The following PARL variants were observed in gnomAD, a reference collection of about 807,000 sequenced individuals.
PARL encodes presenilin associated rhomboid like.
PARL carries 44 observed loss-of-function variants against 51.6 expected under a neutral mutation model. The observed-to-expected ratio is 0.85, with a 90% CI of 0.67 to 1.10. The LOEUF (loss-of-function observed/expected upper bound fraction) is 1.10. Among genes scored for constraint, PARL ranks in the 50% least tolerant of loss-of-function variants. The pLI is 0.00. For missense variants in PARL, 441 were observed against 469.5 expected (o/e 0.94, Z 0.56); for synonymous variants, 172 against 164.0 (o/e 1.05, Z -0.37).
In PARL at chr3:183,876,043, ATTTG is replaced by A. The variant is rs540648499; in HGVS notation, c.126-7987_126-7984del. Among the ~76,000 whole-genome samples, 160 of 152,076 alleles carry A rather than the reference ATTTG, an allele frequency of 1.1e-3. 2 individuals carry two copies. The South Asian group carries it at 0.032, about 30-fold the overall frequency. On this transcript the variant is annotated intron_variant, in intron 1 of 9. Coordinates refer to ENST00000317096, the MANE Select transcript of PARL (RefSeq NM_018622.7). ...CAGCATCGTTTATGGAATATTTTTTATTTGTTTATTTTTACTTTTTGAGATGGAG... is the reference window on the plus strand; with the variant it reads ...CAGCATCGTTTATGGAATATTTTTTATTTATTTTTACTTTTTGAGATGGAG...
At chr3:183,859,034 C>T (rs959832996) in intron 4 of PARL, among the ~76,000 whole-genome samples, 27 of 152,142 alleles carry the variant, frequency 1.8e-4, no homozygotes, top group African/African-American at 5.5e-4. Context: ...TCGCCGGGCG[C>T]GGTGGCTCAC....
intron 4 of PARL, among the ~76,000 whole-genome samples, chr3:183,857,896 G>A (rs540729324): frequency 2.6e-5 from 4 of 152,272 alleles, no homozygotes; most frequent in Admixed American, 1.3e-4. Context: ...TGCTATTCTA[G>A]AAAAGTGAAA....
intron 1 of PARL, among the ~76,000 whole-genome samples, chr3:183,882,282 T>C (rs28703749): frequency 0.016 from 1,407 of 89,498 alleles, 34 homozygotes; most frequent in African/African-American, 0.051. Context: ...TATATATATA[T>C]ACACACACAC....
At chr3:183,882,270 T>TAC (rs1491307966) in intron 1 of PARL, among the ~76,000 whole-genome samples, 1 of 75,534 alleles carries the variant, frequency 1.3e-5, no homozygotes, top group Non-Finnish European at 2.9e-5. Flanking sequence ...TATATATATT[T>TAC]ATATATATAT....
At chr3:183,846,474 CAA>C (rs1361971616) in intron 4 of PARL, 1 of 963,472 alleles carries the variant, frequency 1.0e-6, no homozygotes, top group Non-Finnish European at 1.2e-6. Flanking sequence ...GCCTGGGCAA[CAA>C]GAGGGAAACT....
chr3:183,869,867 T>C (rs141410390), intron 1 of PARL, among the ~76,000 whole-genome samples: 5 of 152,248 alleles, frequency 3.3e-5, no homozygotes, highest in African/African-American at 9.6e-5. Context: ...ATGCTCCCCA[T>C]TACTTTAAAA....
chr3:183,836,084 G>A (rs1010316902), intron 7 of PARL, among the ~76,000 whole-genome samples: 1 of 151,536 alleles, frequency 6.6e-6, no homozygotes, highest in Non-Finnish European at 1.5e-5. Flanking sequence ...GGGCATGGTC[G>A]TGCATGCCTG....
chr3:183,843,254 TA>T, intron 5 of PARL: 1 of 985,250 alleles, frequency 1.0e-6, no homozygotes, highest in Non-Finnish European at 1.2e-6. Context: ...AAGCAACCAA[TA>T]AAAACTCTCA....
At chr3:183,841,361 A>G (rs1729292104) in intron 6 of PARL, among the ~76,000 whole-genome samples, 1 of 152,206 alleles carries the variant, frequency 6.6e-6, no homozygotes, top group Admixed American at 6.5e-5. Context: ...TTGAAGGACT[A>G]GATACACATA....
At chr3:183,843,400 C>T (rs1365892912) in intron 5 of PARL, 3 of 466,212 alleles carry the variant, frequency 6.4e-6, no homozygotes, top group African/African-American at 2.1e-5. Flanking sequence ...ACCTGTAGTC[C>T]CAGCTCCTGG....
chr3:183,864,725 G>C (rs1321706848), intron 3 of PARL, among the ~76,000 whole-genome samples: 2 of 151,458 alleles, frequency 1.3e-5, no homozygotes, highest in Non-Finnish European at 2.9e-5. Context: ...GCAGTGAGCA[G>C]AGATCGCGCC....
intron 1 of PARL, among the ~76,000 whole-genome samples, chr3:183,882,302 CACACACATATAT>C (rs1302399764): frequency 3.2e-4 from 29 of 90,234 alleles, no homozygotes; most frequent in East Asian, 9.3e-4. Context: ...CATATATATA[CACACACATATAT>C]ACACACATAT....
intron 1 of PARL, among the ~76,000 whole-genome samples, chr3:183,871,692 A>G (rs2108690185): frequency 6.6e-6 from 1 of 152,270 alleles, no homozygotes; most frequent in East Asian, 1.9e-4. Context: ...GTAGTGATAA[A>G]TATTAGATGA....
At position 183,829,627 on chromosome 3, in the gene PARL, C is replaced by T. The variant is rs80025695; in HGVS notation, c.1111G>A (p.Gly371Ser). 8.7e-4 allele frequency: 1,412 copies of T among 1,614,064 alleles called. 5 individuals carry two copies. In the African/African-American group the frequency reaches 0.017, roughly 19 times the overall value. Residue 371 changes from glycine to serine, a missense_variant, in exon 10 of 10, where the codon GGC becomes AGC. Transcript: ENST00000317096. The part of the protein sequence containing the change: ...VKIWHEIRTN[G>S]PKKGGGSK Reference sequence around the variant, plus strand: ...TTAGAGCCACCTCCTTTTTTGGGGCCATTAGTCCTTATTTCATGCCAGATT... The same window carrying T: ...TTAGAGCCACCTCCTTTTTTGGGGCTATTAGTCCTTATTTCATGCCAGATT...
chr3:183,860,074 T>G (rs1414039333), intron 4 of PARL, among the ~76,000 whole-genome samples: 4 of 150,400 alleles, frequency 2.7e-5, no homozygotes, highest in African/African-American at 9.8e-5. Context: ...AAAAAACCCA[T>G]TCGGAAAACA....
intron 3 of PARL, among the ~76,000 whole-genome samples, chr3:183,863,509 T>C (rs887944392): frequency 3.3e-5 from 5 of 152,152 alleles, no homozygotes; most frequent in South Asian, 2.1e-4. Context: ...ATAAAAAATA[T>C]ATTCCAACTA....
chr3:183,872,197 T>C (rs1733298988), intron 1 of PARL, among the ~76,000 whole-genome samples: 1 of 152,106 alleles, frequency 6.6e-6, no homozygotes, highest in Non-Finnish European at 1.5e-5. Context: ...AGACGAGGTT[T>C]TACCACGTTA....
intron 7 of PARL, among the ~76,000 whole-genome samples, 185 bp downstream of exon 7, chr3:183,840,385 A>G (rs1346138191): frequency 6.6e-6 from 1 of 152,228 alleles, no homozygotes; most frequent in Non-Finnish European, 1.5e-5. Flanking sequence ...TTACAAATGT[A>G]TAAATTCTAA....
chr3:183,866,947 CTT>C (rs916545963), intron 2 of PARL, among the ~76,000 whole-genome samples, 182 bp from the exon 3 acceptor site: 15 of 151,610 alleles, frequency 9.9e-5, no homozygotes, highest in Non-Finnish European at 1.8e-4. Context: ...GAGTTTCACT[CTT>C]GTCTCCCAGG....
Sources: gnomAD v4.1 joint callset for allele counts (sites outside exome capture counted in the v4.1 genomes callset) on GRCh38, gnomAD v4.1.1 for gene constraint, MANE v1.5 for transcripts, NCBI Gene and HGNC (gene_info 2026-07-23, HGNC 2026-07-21) for gene names.